Variants in SRRM1 observed in about 807,000 individuals in gnomAD.
The protein encoded by SRRM1 is serine/arginine repetitive matrix protein 1.
SRRM1 carries 19 observed loss-of-function variants against 110.2 expected under a neutral mutation model. That is an observed-to-expected ratio of 0.17 (90% CI 0.12 to 0.25). SRRM1 has a LOEUF of 0.25. Among genes scored for constraint, SRRM1 ranks in the 10% least tolerant of loss-of-function variants. The pLI is 1.00. For missense variants in SRRM1, 918 were observed against 1,145.8 expected, an observed-to-expected ratio of 0.80 and a Z score of 2.87; for synonymous variants, 443 against 414.9, an observed-to-expected ratio of 1.07 and a Z score of -0.82.
At chr1:24,654,192 C>A in intron 8 of SRRM1, 1 of 727,818 alleles carries the variant, frequency 1.4e-6, no homozygotes, top group Non-Finnish European at 2.0e-6. Context: ...TTGCAAACAG[C>A]ATGTTTAAAT....
At chr1:24,657,236 G>T (rs1294534194) in intron 9 of SRRM1, among the ~76,000 whole-genome samples, 1 of 152,162 alleles carries the variant, frequency 6.6e-6, no homozygotes, top group Non-Finnish European at 1.5e-5. Context: ...ACTGATCCCA[G>T]CCCTCTGTGA....
intron 6 of SRRM1, among the ~76,000 whole-genome samples, chr1:24,651,880 C>T (rs570021073): frequency 2.6e-5 from 4 of 150,964 alleles, no homozygotes; most frequent in East Asian, 1.9e-4. Flanking sequence ...TGGACAACTT[C>T]GCACTTTTAA....
intron 15 of SRRM1, 95 bp from the exon 16 acceptor site, chr1:24,671,291 G>C: frequency 7.8e-7 from 1 of 1,278,230 alleles, no homozygotes; most frequent in East Asian, 2.3e-5. Context: ...CTTGAGATTT[G>C]TCCATTGGGG....
At chr1:24,668,486 A>C (rs1671167113) in intron 13 of SRRM1, among the ~76,000 whole-genome samples, 1 of 152,232 alleles carries the variant, frequency 6.6e-6, no homozygotes, top group South Asian at 2.1e-4. Context: ...TTGTAAAGCT[A>C]ACTCTGGGCA....
Position 24,653,804 on chromosome 1 carries a change from C to T in SRRM1, c.1040+772C>T, listed in dbSNP as rs191194918. ...TTTCACCTGGCTTGGGAAGAAATGC[C>T]GATGATTAAGCTTCCAGTTATTTTG... On this transcript the variant is annotated intron_variant, in intron 8 of 16. Transcript: ENST00000323848. Among the ~76,000 whole-genome samples, 22 of 152,220 alleles carry T rather than the reference C, an allele frequency of 1.4e-4. No homozygotes were observed. In the East Asian group the frequency reaches 4.2e-3, roughly 29 times the overall value.
chr1:24,662,245 C>T (rs527314850), intron 11 of SRRM1, among the ~76,000 whole-genome samples: 6 of 152,260 alleles, frequency 3.9e-5, no homozygotes, highest in South Asian at 2.1e-4. Context: ...GTCAGGAGTT[C>T]GAGACCAGCC....
rs1671577805 is a variant in SRRM1 at position 24,669,300 on chromosome 1, A to G, written c.1917A>G (p.Pro639=). Residue 639 remains proline, a synonymous_variant, in exon 14 of 17, where the codon CCA becomes CCG. Coordinates refer to ENST00000323848, the MANE Select transcript of SRRM1 (RefSeq NM_005839.4). The part of the protein sequence containing the change: ...PPPKRRVSHS[P]PPKQRSSPVT... ...CAAAGCGGCGGGTCTCCCATTCTCC[A>G]CCTCCCAAACAAAGAAGCTCCCCAG... The G allele has an allele frequency of 3.1e-6, 5 of 1,613,508 alleles. No homozygotes were observed. Among genetic ancestry groups the G allele is most frequent in the Non-Finnish European group, 4.2e-6 (5 of 1,179,930 alleles).
At chr1:24,646,614 C>A in intron 2 of SRRM1, 53 bp from the exon 3 acceptor site, 4 of 1,473,406 alleles carry the variant, frequency 2.7e-6, no homozygotes, top group Non-Finnish European at 3.6e-6. Context: ...CTAACTTGAG[C>A]ATTTTTTTTT....
chr1:24,650,479 ATACT>A (rs1160886655), intron 5 of SRRM1: 3 of 152,956 alleles, frequency 2.0e-5, no homozygotes, highest in African/African-American at 7.2e-5. Context: ...CGTTCATGTA[ATACT>A]TACCTAATTC....
chr1:24,662,208 G>C (rs1667611277), intron 11 of SRRM1, among the ~76,000 whole-genome samples: 1 of 152,212 alleles, frequency 6.6e-6, no homozygotes, highest in Non-Finnish European at 1.5e-5. Context: ...AACACTTTGG[G>C]AGGCTGAGGT....
intron 9 of SRRM1, among the ~76,000 whole-genome samples, 189 bp downstream of exon 9, chr1:24,655,318 A>C (rs1034464562): frequency 1.3e-5 from 2 of 152,102 alleles, no homozygotes; most frequent in Non-Finnish European, 2.9e-5. Flanking sequence ...TTATGTGTAA[A>C]AGGGTTTTGT....
Position 24,651,441 on chromosome 1 carries a change from G to T in SRRM1, c.554G>T (p.Arg185Leu). Residue 185 changes from arginine to leucine, a missense_variant, in exon 6 of 17, where the codon CGA (arginine) becomes CTA (leucine). By Grantham distance (102) the Arg-to-Leu change is moderately radical. Around this residue, in one of 5 missense-constraint regions of SRRM1, gnomAD observed 456 missense variants for 453.5 expected, o/e 1.01. Transcript: ENST00000323848. ...RKSRSPSPRR[R>L]SSPVRRERKR... ...TCCAGATCTCCTTCCCCTAGAAGAC[G>T]ATCTTCCCCTGTCAGGAGAGAGAGA... is the stretch of plus-strand genomic sequence containing the variant. The T allele has an allele frequency of 6.2e-7, 1 of 1,613,982 alleles. No homozygotes were observed. Among genetic ancestry groups the T allele is most frequent in the Non-Finnish European group, 8.5e-7 (1 of 1,179,978 alleles).
chr1:24,668,622 G>T (rs548171372), intron 13 of SRRM1, among the ~76,000 whole-genome samples: 1 of 152,134 alleles, frequency 6.6e-6, no homozygotes, highest in Non-Finnish European at 1.5e-5. Flanking sequence ...TGTCTTTAAG[G>T]CTTGTGCAGT....
intron 12 of SRRM1, chr1:24,663,085 A>C: frequency 4.3e-6 from 5 of 1,165,676 alleles, no homozygotes; most frequent in Non-Finnish European, 6.0e-6. Flanking sequence ...AACATCTTTG[A>C]ATATTTAAAA....
At chr1:24,665,015 TTTAAG>T (rs1157823053) in intron 12 of SRRM1, among the ~76,000 whole-genome samples, 2 of 152,164 alleles carry the variant, frequency 1.3e-5, no homozygotes, top group African/African-American at 4.8e-5. Context: ...TAAAAAGTAT[TTTAAG>T]TTATATACCA....
chr1:24,652,995 C>T lies in SRRM1; in HGVS notation c.1003C>T (p.Pro335Ser). The change falls in exon 8 of 17, where the codon CCA becomes TCA. Residue 335 changes from proline (P) to serine (S), a missense_variant. Pro to Ser is a moderately conservative substitution (Grantham distance 74). Transcript: ENST00000323848. ...AACTCCGCCAAGAAGAATGCCTCCT[C>T]CACCAAGGCATAGAAGGAGTAGATC... ...RRTPPRRMPP[P>S]PRHRRSRSPV... The T allele has an allele frequency of 6.2e-7, 1 of 1,613,834 alleles. No individual in the cohort carries two copies. The highest frequency in any genetic ancestry group is 8.5e-7 in the Non-Finnish European group (1 of 1,179,860).
chr1:24,663,289 A>G (rs1317859977), intron 12 of SRRM1: 2 of 1,267,986 alleles, frequency 1.6e-6, no homozygotes, highest in Non-Finnish European at 2.2e-6. Flanking sequence ...TTAATTTCCT[A>G]TTTAGGTGAC....
In SRRM1 at chr1:24,648,951, G is replaced by T. The variant is rs572283451; in HGVS notation, c.327G>T (p.Leu109=). The change falls in exon 4 of 17, where the codon CTG becomes CTT. Residue 109 remains leucine (L), a synonymous_variant. Coordinates refer to ENST00000323848, the MANE Select transcript of SRRM1 (RefSeq NM_005839.4). ...REFMGELWPL[L]LSAQENIAGI... Reference sequence around the variant, plus strand: ...TTATGGGAGAACTGTGGCCCCTGCTGCTAAGTGCACAAGAAAACATCGCGG... The same window carrying T: ...TTATGGGAGAACTGTGGCCCCTGCTTCTAAGTGCACAAGAAAACATCGCGG... The T allele has an allele frequency of 4.3e-6, 7 of 1,613,872 alleles. No homozygotes were observed. In the African/African-American group the frequency reaches 8.0e-5, roughly 18 times the overall value.
intron 12 of SRRM1, among the ~76,000 whole-genome samples, chr1:24,663,633 T>A (rs1459561862): frequency 6.6e-6 from 1 of 151,914 alleles, no homozygotes; most frequent in Non-Finnish European, 1.5e-5. Context: ...GGGAGAAACT[T>A]TAGAAATATT....
Sources: gnomAD v4.1 joint callset for allele counts (sites outside exome capture counted in the v4.1 genomes callset) on GRCh38, gnomAD v4.1.1 for gene constraint, gnomAD v4.1.1 regional missense constraint, MANE v1.5 for transcripts, NCBI Gene and HGNC (gene_info 2026-07-23, HGNC 2026-07-21) for gene names.